KCNAB1: variants seen among roughly 807,000 people sequenced by gnomAD.
The protein encoded by KCNAB1 is voltage-gated potassium channel subunit beta-1.
Under a neutral mutation model 64.6 loss-of-function variants are expected in KCNAB1, and 35 were observed. The observed-to-expected ratio is 0.54, with a 90% confidence interval of 0.41 to 0.72. The LOEUF (loss-of-function observed/expected upper bound fraction) is 0.72. Ranked by LOEUF, KCNAB1 falls within the 30% of genes least tolerant of loss-of-function variation. The probability of loss-of-function intolerance (pLI) is 0.00; values close to 1 mark genes in which losing one functional copy is unlikely to be tolerated. For synonymous variants in KCNAB1, 177 were observed against 183.8 expected, an observed-to-expected ratio of 0.96 and a Z score of 0.30; for missense variants, 401 against 512.9, an observed-to-expected ratio of 0.78 and a Z score of 2.11.
At chr3:156,192,993 T>G (rs1240517551) in intron 1 of KCNAB1, among the ~76,000 whole-genome samples, 1 of 152,146 alleles carries the variant, frequency 6.6e-6, no homozygotes, top group African/African-American at 2.4e-5. Flanking sequence ...TTACATTTCA[T>G]TGTTTTTAAT....
rs183417129 is a variant in KCNAB1, at chr3:156,298,594, A to G, written c.276-123022A>G. 4.1e-3 allele frequency among the ~76,000 whole-genome samples: 622 copies of G among 152,334 alleles called. 4 individuals are homozygous for G. Among genetic ancestry groups the G allele is most frequent in the Middle Eastern group, 0.02 (6 of 294 alleles). On this transcript the variant is annotated intron_variant, in intron 1 of 13. Transcript: ENST00000490337. ...TTTTAAAATTCCTTTCATCAAATTC[A>G]TAGTCTATCTTTAGTATATCAATTT...
At chr3:156,143,193 A>G in intron 1 of KCNAB1, 1 of 1,609,188 alleles carries the variant, frequency 6.2e-7, no homozygotes, top group Non-Finnish European at 8.5e-7. Flanking sequence ...ATCTGTATAA[A>G]CCTGCCTGTG....
rs189345741 is a variant in KCNAB1 at position 156,242,487 on chromosome 3, C to T, written c.275+121601C>T. 1.3e-3 allele frequency among the ~76,000 whole-genome samples: 193 copies of T among 152,244 alleles called. No individual in the cohort carries two copies. The South Asian group carries it at 0.016, about 12-fold the overall frequency. Reference sequence around the variant, plus strand: ...TTCTGATAATGAACTTTCTGCCCTGCTTCTCTAGTTGTCGTATATCCTCTC... The same window carrying T: ...TTCTGATAATGAACTTTCTGCCCTGTTTCTCTAGTTGTCGTATATCCTCTC... On this transcript the variant is annotated intron_variant, in intron 1 of 13. Transcript: ENST00000490337.
chr3:156,285,708 G>C (rs1720063070), intron 1 of KCNAB1, among the ~76,000 whole-genome samples: 1 of 151,796 alleles, frequency 6.6e-6, no homozygotes, highest in Non-Finnish European at 1.5e-5. Context: ...TCACCATGTT[G>C]CCCAGGCTGG....
At chr3:156,457,944 A>G (rs1468657663) in intron 4 of KCNAB1, among the ~76,000 whole-genome samples, 2 of 152,186 alleles carry the variant, frequency 1.3e-5, no homozygotes, top group Non-Finnish European at 2.9e-5. Context: ...ACCATATCTC[A>G]TAGTTTTTCA....
chr3:156,276,893 G>A (rs971158928), intron 1 of KCNAB1, among the ~76,000 whole-genome samples: 2 of 152,134 alleles, frequency 1.3e-5, no homozygotes, highest in East Asian at 1.9e-4. Context: ...CACTAGATAA[G>A]CACTTTTAAT....
At chr3:156,387,875 T>C (rs1712731090) in intron 1 of KCNAB1, among the ~76,000 whole-genome samples, 1 of 152,172 alleles carries the variant, frequency 6.6e-6, no homozygotes, top group Non-Finnish European at 1.5e-5. Flanking sequence ...AGTCAGAGAT[T>C]TTTCTTAGAA....
rs528525832 is a variant in KCNAB1 at position 156,451,746 on chromosome 3, T to C, written c.320-1153T>C. On this transcript the variant is annotated intron_variant, in intron 2 of 13. Coordinates refer to ENST00000490337, the MANE Select transcript of KCNAB1 (RefSeq NM_172160.3). ...TCCCACATTTCATCTCACGGCCTGA[T>C]GGTGTAGGCCCCTGCTCATCAGCAC... 4.6e-5 allele frequency among the ~76,000 whole-genome samples: 7 copies of C among 152,302 alleles called. No individual in the cohort carries two copies. In the East Asian group the frequency reaches 1.4e-3, roughly 29 times the overall value.
At chr3:156,144,908 T>C (rs1714949842) in intron 1 of KCNAB1, among the ~76,000 whole-genome samples, 1 of 152,196 alleles carries the variant, frequency 6.6e-6, no homozygotes, top group South Asian at 2.1e-4. Flanking sequence ...AGGTATGTTC[T>C]AGGAAAGCAT....
chr3:156,291,016 A>AC, intron 1 of KCNAB1: 1 of 985,614 alleles, frequency 1.0e-6, no homozygotes, highest in Non-Finnish European at 1.2e-6. Context: ...CGGCATAAGC[A>AC]CCCCCTCTCT....
chr3:156,244,987 C>T (rs763281212), intron 1 of KCNAB1, among the ~76,000 whole-genome samples: 23 of 152,208 alleles, frequency 1.5e-4, no homozygotes. Flanking sequence ...AGCAGAATCT[C>T]AAGGTCAGGC....
chr3:156,204,113 T>C (rs1192028611), intron 1 of KCNAB1, among the ~76,000 whole-genome samples: 5 of 152,230 alleles, frequency 3.3e-5, no homozygotes. Context: ...AAGACAGCTA[T>C]TGTTTATTTA....
At chr3:156,482,782 A>G (rs1387676394) in intron 8 of KCNAB1, among the ~76,000 whole-genome samples, 1 of 152,086 alleles carries the variant, frequency 6.6e-6, no homozygotes, top group Non-Finnish European at 1.5e-5. Flanking sequence ...AATGCTTAGG[A>G]TGTTGCCTAG....
intron 1 of KCNAB1, among the ~76,000 whole-genome samples, chr3:156,417,719 G>GAAAAAAAAAAAAAAAAAAAAAA (rs200175870): frequency 2.3e-5 from 3 of 130,260 alleles, no homozygotes; most frequent in African/African-American, 8.6e-5. Context: ...TGCCTTAAAA[G>GAAAAAAAAAAAAAAAAAAAAAA]AAAAAAAAAA....
intron 1 of KCNAB1, among the ~76,000 whole-genome samples, chr3:156,387,014 C>CTTTTTTTTTTTTTTTTTTT (rs1194708289): frequency 5.5e-5 from 5 of 90,526 alleles, no homozygotes; most frequent in Non-Finnish European, 8.5e-5. Context: ...TTCTCTCTCT[C>CTTTTTTTTTTTTTTTTTTT]TTTTTTTTTT....
At chr3:156,521,881 T>C (rs1276891821) in intron 11 of KCNAB1, among the ~76,000 whole-genome samples, 1 of 151,842 alleles carries the variant, frequency 6.6e-6, no homozygotes, top group Non-Finnish European at 1.5e-5. Context: ...TGTATTTCCA[T>C]AGGTTAAAGC....
intron 3 of KCNAB1, among the ~76,000 whole-genome samples, chr3:156,455,701 G>A (rs1712354686): frequency 6.6e-6 from 1 of 151,398 alleles, no homozygotes; most frequent in African/African-American, 2.4e-5. Flanking sequence ...AAACTTCAGG[G>A]CCGCCTCAGT....
At chr3:156,376,233 T>A (rs758273902) in intron 1 of KCNAB1, among the ~76,000 whole-genome samples, 35 of 152,146 alleles carry the variant, frequency 2.3e-4, no homozygotes, top group Non-Finnish European at 4.4e-4. Flanking sequence ...AGTTGGAAAT[T>A]CCCAGATGGA....
At chr3:156,155,834 C>T (rs1253605176) in intron 1 of KCNAB1, among the ~76,000 whole-genome samples, 1 of 152,116 alleles carries the variant, frequency 6.6e-6, no homozygotes, top group Non-Finnish European at 1.5e-5. Context: ...TTTATTACAG[C>T]AAAAAGATAC....
Sources: gnomAD v4.1 joint callset for allele counts (sites outside exome capture counted in the v4.1 genomes callset) on GRCh38, gnomAD v4.1.1 for gene constraint, MANE v1.5 for transcripts, NCBI Gene and HGNC (gene_info 2026-07-23, HGNC 2026-07-21) for gene names.